CSF3R: variants seen among roughly 807,000 people sequenced by gnomAD.
The protein encoded by CSF3R is granulocyte colony-stimulating factor receptor.
CSF3R carries 52 observed loss-of-function variants against 84.4 expected under a neutral mutation model. That is an observed-to-expected ratio of 0.62 (90% CI 0.49 to 0.78). The LOEUF is 0.78. Among genes scored for constraint, CSF3R ranks in the 30% least tolerant of loss-of-function variants. The pLI, the probability that CSF3R is intolerant of heterozygous loss-of-function variation, is 0.00. For synonymous variants in CSF3R, 384 were observed against 429.1 expected (o/e 0.89, Z 1.30); for missense variants, 890 against 1,055.7 (o/e 0.84, Z 2.17).
chr1:36,476,525 C>T (rs1651159484), intron 3 of CSF3R, among the ~76,000 whole-genome samples: 2 of 152,210 alleles, frequency 1.3e-5, no homozygotes, highest in Admixed American at 6.5e-5. Flanking sequence ...TCAGTTCCAG[C>T]TTATACCGGT....
At chr1:36,478,548 AC>A (rs1651314635) in intron 3 of CSF3R, among the ~76,000 whole-genome samples, 1 of 151,352 alleles carries the variant, frequency 6.6e-6, no homozygotes, top group Admixed American at 6.6e-5. Context: ...AAAAACAAAA[AC>A]CAAAAAACAT....
intron 3 of CSF3R, among the ~76,000 whole-genome samples, chr1:36,478,248 G>T (rs1303184945): frequency 6.6e-6 from 1 of 152,064 alleles, no homozygotes; most frequent in Admixed American, 6.5e-5. Context: ...ATGCCACAGG[G>T]CTGGGCGCGG....
rs772229588 is a variant in CSF3R at position 36,466,874 on chromosome 1, T to C, written c.2041-47A>G. 29 of 1,613,822 alleles carry C rather than the reference T, an allele frequency of 1.8e-5. 1 individual carries two copies. In the Admixed American group the frequency reaches 4.8e-4, roughly 27 times the overall value. On this transcript the variant is annotated intron_variant, in intron 16 of 16. Transcript: ENST00000373106. This position sits in a 1 kb window ranked among gnomAD's most constrained non-coding sequence, Gnocchi z 4.6. ...GAGAGCACGGCTCATTTCAGATGTCTGCCCCAGCCACTGTCCCTGTCTGGG... is the reference window on the plus strand; with the variant it reads ...GAGAGCACGGCTCATTTCAGATGTCCGCCCCAGCCACTGTCCCTGTCTGGG...
chr1:36,471,597 G>T lies in CSF3R; in HGVS notation c.1121C>A (p.Ser374Tyr). The part of the protein sequence containing the change: ...DSGRIQGYVV[S>Y]WRPSGQAGAI... ...CCCAGCCTGGCCTGAGGGTCTCCAA[G>T]AAACCACATAACCTTGGATCCGTCC... The change falls in exon 10 of 17, where the codon TCT (serine) becomes TAT (tyrosine). Residue 374 changes from serine to tyrosine, a missense_variant. Ser to Tyr is a moderately radical substitution (Grantham distance 144, BLOSUM62 -2). Coordinates refer to ENST00000373106, the MANE Select transcript of CSF3R (RefSeq NM_000760.4). 2 of 1,614,250 alleles carry T rather than the reference G, an allele frequency of 1.2e-6. No homozygotes were observed. Among genetic ancestry groups the T allele is most frequent in the Non-Finnish European group, 1.7e-6 (2 of 1,180,044 alleles).
At position 36,467,977 on chromosome 1, in the gene CSF3R, C is replaced by A; in HGVS notation, c.1724-15G>T. The A allele has an allele frequency of 6.2e-7, 1 of 1,614,152 alleles. No individual in the cohort carries two copies. Among genetic ancestry groups the A allele is most frequent in the South Asian group, 1.1e-5 (1 of 91,090 alleles). ...CAGGATGGCGGCTGGGAGGGGTGTA[C>A]GGTCAGCATAGGCCTGGATGGTAAA... On this transcript the variant is annotated splice_polypyrimidine_tract_variant and intron_variant, in intron 13 of 16. Coordinates refer to ENST00000373106, the MANE Select transcript of CSF3R (RefSeq NM_000760.4). The surrounding 1 kb of genome is among the most constrained non-coding windows in gnomAD (Gnocchi z 4.1).
At position 36,482,380 on chromosome 1, in the gene CSF3R, G is replaced by A. The variant is rs1433244809; in HGVS notation, c.-81+431C>T. ...GAGTTTAAGATTCAAGAGATAGCAG[G>A]AAATATGCGAGACAGAGAAACTCAG... On this transcript the variant is annotated intron_variant, in intron 1 of 16. Transcript: ENST00000373106. 2.0e-5 allele frequency among the ~76,000 whole-genome samples: 3 copies of A among 152,148 alleles called. No homozygotes were observed. The East Asian group carries it at 5.8e-4, about 29-fold the overall frequency.
intron 6 of CSF3R, 120 bp downstream of exon 6, chr1:36,473,315 G>A: frequency 4.4e-6 from 5 of 1,129,514 alleles, no homozygotes; most frequent in African/African-American, 1.5e-5. Flanking sequence ...TCCCTCTTCT[G>A]TGCCTCTGTC....
chr1:36,469,256 C>T lies in CSF3R; in HGVS notation c.1476G>A (p.Glu492=), dbSNP rs1372060840. The change falls in exon 12 of 17, where the codon GAG becomes GAA. Residue 492 remains glutamate (E), a splice_region_variant and synonymous_variant. Coordinates refer to ENST00000373106, the MANE Select transcript of CSF3R (RefSeq NM_000760.4). The part of the protein sequence containing the change: ...NGRATGFLLK[E]NIRPFQLYEI... ...CATAGAGCTGAAAGGGCCTGATGTT[C>T]TCTGTAGAGAGAAAATGGGGTAGGC... The T allele has an allele frequency of 8.1e-6, 13 of 1,613,074 alleles. No individual in the cohort carries two copies. Among genetic ancestry groups the T allele is most frequent in the South Asian group, 1.1e-5 (1 of 91,052 alleles).
At chr1:36,480,696 T>C (rs192427831) in intron 2 of CSF3R, among the ~76,000 whole-genome samples, 1 of 152,300 alleles carries the variant, frequency 6.6e-6, no homozygotes, top group East Asian at 1.9e-4. Context: ...GGGAGAAAGG[T>C]AGGAGAATCC....
At position 36,467,892 on chromosome 1, in the gene CSF3R, G is replaced by A. The variant is rs3917998; in HGVS notation, c.1794C>T (p.Ile598=). 2,730 of 1,614,246 alleles carry A rather than the reference G, an allele frequency of 1.7e-3. 31 individuals carry two copies. The African/African-American group carries it at 0.028, about 17-fold the overall frequency. The change falls in exon 14 of 17, where the codon ATC becomes ATT. Residue 598 remains isoleucine (I), a synonymous_variant. Transcript: ENST00000373106. The surrounding 1 kb of genome is among the most constrained non-coding windows in gnomAD (Gnocchi z 4.1). ...HGLEPASLYH[I]HLMAASQAGA... is the part of the protein sequence containing the mutation. ...CAGCCTGGCTGGCAGCCATGAGGTG[G>A]ATGTGATACAGACTGGCGGGCTCCA...
chr1:36,470,121 T>C (rs1650615106), intron 10 of CSF3R, among the ~76,000 whole-genome samples: 1 of 152,210 alleles, frequency 6.6e-6, no homozygotes, highest in Non-Finnish European at 1.5e-5. Flanking sequence ...TAACACTCTA[T>C]TGTTCTTGGT....
rs1256898983 is a variant in CSF3R, at chr1:36,469,636, T to C, written c.1474+16A>G. 4 of 1,613,650 alleles carry C rather than the reference T, an allele frequency of 2.5e-6. No individual in the cohort carries two copies. The highest frequency in any genetic ancestry group is 3.4e-6 in the Non-Finnish European group (4 of 1,180,046). Reference sequence around the variant, plus strand: ...CTTTGTCCCTGGCCCTGCCCAACTTTCCAGGCCAGCCTCACCCTTCAGCAG... The same window carrying C: ...CTTTGTCCCTGGCCCTGCCCAACTTCCCAGGCCAGCCTCACCCTTCAGCAG... On this transcript the variant is annotated intron_variant, in intron 11 of 16. Transcript: ENST00000373106.
At chr1:36,479,220 C>T in intron 3 of CSF3R, 1 of 631,780 alleles carries the variant, frequency 1.6e-6, no homozygotes, top group Non-Finnish European at 2.9e-6. Flanking sequence ...CCAGGATGAC[C>T]AGCCCGGGTC....
Position 36,472,653 on chromosome 1 carries a change from T to A in CSF3R, c.707A>T (p.Asp236Val), listed in dbSNP as rs1570589338. 2 of 1,608,588 alleles carry A rather than the reference T, an allele frequency of 1.2e-6. No individual in the cohort carries two copies. Among genetic ancestry groups the A allele is most frequent in the East Asian group, 2.2e-5 (1 of 44,734 alleles). Reference protein sequence around the residue: ...KLEPPMLRTMDPSPEAAPPQA... With the variant: ...KLEPPMLRTMVPSPEAAPPQA... ...GGGAGGGGCCGCTTCAGGGCTGGGG[T>A]CCATGGTCCGCAGCATGGGGGGCTC... The change falls in exon 7 of 17, where the codon GAC (aspartate) becomes GTC (valine). Residue 236 changes from aspartate to valine, a missense_variant. Physicochemically the swap from Asp to Val is radical, Grantham distance 152 (BLOSUM62 -3). Transcript: ENST00000373106. The surrounding 1 kb of genome is among the most constrained non-coding windows in gnomAD (Gnocchi z 5.0).
chr1:36,473,746 G>A lies in CSF3R; in HGVS notation c.485+18C>T, dbSNP rs1421627142. On this transcript the variant is annotated intron_variant, in intron 5 of 16. Coordinates refer to ENST00000373106, the MANE Select transcript of CSF3R (RefSeq NM_000760.4). ...CAGAATCCAAAGGGAGGGGACCAAG[G>A]TGGGGGCCCCTCCTCACTTGAAACT... is the stretch of plus-strand genomic sequence containing the variant. 6.2e-7 allele frequency: 1 copy of A among 1,614,222 alleles called. No homozygotes were observed.
chr1:36,474,726 A>G (rs1450103786), intron 4 of CSF3R, among the ~76,000 whole-genome samples: 2 of 152,180 alleles, frequency 1.3e-5, no homozygotes, highest in Non-Finnish European at 2.9e-5. Flanking sequence ...GGGGTGGGGG[A>G]CAAGCCCAGC....
chr1:36,472,230 C>G lies in CSF3R; in HGVS notation c.997+8G>C. ...TTGGCTGCTCCCAGCCTCTCATCACCTCCTTACCCCGTTCGGTAGTTCTCA... is the reference window on the plus strand; with the variant it reads ...TTGGCTGCTCCCAGCCTCTCATCACGTCCTTACCCCGTTCGGTAGTTCTCA... On this transcript the variant is annotated splice_region_variant and intron_variant, in intron 8 of 16. Transcript: ENST00000373106. This position sits in a 1 kb window ranked among gnomAD's most constrained non-coding sequence, Gnocchi z 5.0. 6.2e-7 allele frequency: 1 copy of G among 1,614,194 alleles called. No homozygotes were observed. Among genetic ancestry groups the G allele is most frequent in the Non-Finnish European group, 8.5e-7 (1 of 1,180,030 alleles).
Position 36,468,178 on chromosome 1 carries a change from C to T in CSF3R, c.1620G>A (p.Lys540=). 1.9e-6 allele frequency: 3 copies of T among 1,611,074 alleles called. No homozygotes were observed. Among genetic ancestry groups the T allele is most frequent in the Non-Finnish European group, 2.5e-6 (3 of 1,178,398 alleles). The part of the protein sequence containing the change: ...APELHLKHIG[K]TWAQLEWVPE... Reference sequence around the variant, plus strand: ...GCACCCACTCCAGCTGTGCCCAGGTCTTGCCAATGTGCTTTAGATGCAGCT... The same window carrying T: ...GCACCCACTCCAGCTGTGCCCAGGTTTTGCCAATGTGCTTTAGATGCAGCT... Residue 540 remains lysine (K), a synonymous_variant, in exon 13 of 17, where the codon AAG becomes AAA. Transcript: ENST00000373106.
intron 4 of CSF3R, among the ~76,000 whole-genome samples, 184 bp from the exon 5 acceptor site, chr1:36,474,071 T>G (rs746992953): frequency 6.6e-6 from 1 of 152,198 alleles, no homozygotes. Context: ...GTTGCAGGCA[T>G]GCACCGGGGC....
Sources: allele counts gnomAD v4.1 joint callset (sites outside exome capture counted in the v4.1 genomes callset), GRCh38; gene constraint gnomAD v4.1.1; non-coding constraint Gnocchi (gnomAD v3.1); transcripts MANE v1.5; gene names NCBI Gene and HGNC (gene_info 2026-07-23, HGNC 2026-07-21).